TBC1D22A: variants seen among roughly 807,000 people sequenced by gnomAD.
TBC1D22A encodes the protein TBC1 domain family member 22A.
In TBC1D22A, 38 loss-of-function variants were observed where a neutral mutation model predicts 60.2. The ratio of observed to expected loss-of-function variants is 0.63; its 90% CI spans 0.49 to 0.83. The LOEUF is 0.83. TBC1D22A is among the 40% of genes least tolerant of loss of function. The pLI is 0.00. For missense variants in TBC1D22A, 628 were observed against 701.0 expected (o/e 0.90, Z 1.18); for synonymous variants, 302 against 281.7 (o/e 1.07, Z -0.72).
intron 8 of TBC1D22A, among the ~76,000 whole-genome samples, chr22:46,967,013 C>T (rs900022023): frequency 1.3e-5 from 2 of 152,014 alleles, no homozygotes; most frequent in Non-Finnish European, 2.9e-5. Flanking sequence ...ATGCTGAGGG[C>T]GTTGTCCTTG....
intron 4 of TBC1D22A, among the ~76,000 whole-genome samples, chr22:46,865,796 C>G (rs181142286): frequency 2.2e-4 from 33 of 152,286 alleles, no homozygotes; most frequent in Non-Finnish European, 3.5e-4. Context: ...ACTCTTTGTT[C>G]TGGGGCGTAA....
intron 7 of TBC1D22A, among the ~76,000 whole-genome samples, chr22:46,898,347 TAGG>T (rs2068793818): frequency 6.6e-6 from 1 of 152,182 alleles, no homozygotes; most frequent in Non-Finnish European, 1.5e-5. Flanking sequence ...CAATCATTTT[TAGG>T]AGGTTTATTT....
At chr22:46,778,841 C>T (rs2083814698) in intron 1 of TBC1D22A, among the ~76,000 whole-genome samples, 1 of 152,114 alleles carries the variant, frequency 6.6e-6, no homozygotes, top group Non-Finnish European at 1.5e-5. Flanking sequence ...GTCAGGAGTT[C>T]GAAAGCAGCC....
At chr22:47,068,430 G>A (rs1049762717) in intron 11 of TBC1D22A, among the ~76,000 whole-genome samples, 2 of 152,246 alleles carry the variant, frequency 1.3e-5, no homozygotes, top group Admixed American at 1.3e-4. Flanking sequence ...GATGTGAGAC[G>A]TCAGAAGATG....
chr22:47,121,188 C>T (rs1667330563), intron 12 of TBC1D22A, among the ~76,000 whole-genome samples: 1 of 152,208 alleles, frequency 6.6e-6, no homozygotes, highest in African/African-American at 2.4e-5. Flanking sequence ...AAAATGGAAG[C>T]AAATGCTCTC....
At chr22:46,778,244 T>G (rs2083785941) in intron 1 of TBC1D22A, among the ~76,000 whole-genome samples, 1 of 152,094 alleles carries the variant, frequency 6.6e-6, no homozygotes, top group African/African-American at 2.4e-5. Flanking sequence ...TAGGCTCTAC[T>G]AGATTCATAA....
intron 8 of TBC1D22A, among the ~76,000 whole-genome samples, chr22:46,972,479 G>C (rs2074106310): frequency 6.6e-6 from 1 of 152,228 alleles, no homozygotes; most frequent in South Asian, 2.1e-4. Context: ...GTGAGGCATT[G>C]ACACGGGCTG....
intron 11 of TBC1D22A, among the ~76,000 whole-genome samples, chr22:47,060,063 C>G (rs1036208343): frequency 2.0e-5 from 3 of 152,020 alleles, no homozygotes; most frequent in Non-Finnish European, 4.4e-5. Context: ...GGAGAAAAGG[C>G]CTCATTTGGA....
At chr22:46,963,009 C>T (rs1046200119) in intron 8 of TBC1D22A, among the ~76,000 whole-genome samples, 5 of 150,682 alleles carry the variant, frequency 3.3e-5, no homozygotes, top group African/African-American at 1.2e-4. Context: ...GTCAGGAGAT[C>T]GAGACCATTC....
At chr22:47,012,365 A>G (rs2061775939) in intron 10 of TBC1D22A, among the ~76,000 whole-genome samples, 1 of 152,122 alleles carries the variant, frequency 6.6e-6, no homozygotes, top group East Asian at 1.9e-4. Context: ...AGACTAGCCC[A>G]GCACTGGTGC....
intron 8 of TBC1D22A, among the ~76,000 whole-genome samples, chr22:46,940,535 AAT>A (rs537628079): frequency 7.0e-6 from 1 of 142,686 alleles, no homozygotes; most frequent in Non-Finnish European, 1.5e-5. Context: ...GGGGCACTAG[AAT>A]ATATATATAT....
chr22:46,853,680 A>G (rs2087410751), intron 4 of TBC1D22A, among the ~76,000 whole-genome samples: 1 of 152,252 alleles, frequency 6.6e-6, no homozygotes. Context: ...AGAGCGGAAC[A>G]GGAACGGAGA....
chr22:47,148,715 CCCTCCCCTGGGT>C (rs1259023794), intron 12 of TBC1D22A, among the ~76,000 whole-genome samples: 1 of 150,808 alleles, frequency 6.6e-6, no homozygotes, highest in African/African-American at 2.4e-5. Context: ...TGGGGTCCCT[CCCTCCCCTGGGT>C]CCTCTCCTGG....
chr22:46,794,151 C>T (rs564216866), intron 3 of TBC1D22A, among the ~76,000 whole-genome samples: 6 of 152,298 alleles, frequency 3.9e-5, no homozygotes, highest in African/African-American at 9.6e-5. Context: ...GTGGGCTGGC[C>T]GTGAGAGGGC....
intron 8 of TBC1D22A, among the ~76,000 whole-genome samples, chr22:46,960,320 G>A (rs544333151): frequency 2.4e-4 from 37 of 151,842 alleles, no homozygotes; most frequent in Admixed American, 2.0e-3. Flanking sequence ...GGACTGCAGC[G>A]GCACGATATG....
intron 12 of TBC1D22A, among the ~76,000 whole-genome samples, chr22:47,158,362 G>T (rs1412249083): frequency 6.6e-6 from 1 of 152,212 alleles, no homozygotes; most frequent in South Asian, 2.1e-4. Context: ...ACTGTCATTC[G>T]TCTTGGATGA....
At chr22:46,845,951 C>T (rs1036672485) in intron 4 of TBC1D22A, among the ~76,000 whole-genome samples, 6 of 152,266 alleles carry the variant, frequency 3.9e-5, no homozygotes, top group Non-Finnish European at 7.4e-5. Context: ...CAGGAGCAGC[C>T]GGGGAGCTGG....
intron 12 of TBC1D22A, among the ~76,000 whole-genome samples, chr22:47,150,505 TCTGGGTGGCCGGGCTTG>T (rs2067461296): frequency 6.6e-6 from 1 of 152,166 alleles, no homozygotes. Flanking sequence ...CCTGAGGCGG[TCTGGGTGGCCGGGCTTG>T]CTGGGTGGCA....
At chr22:46,807,543 G>A (rs1425590540) in intron 4 of TBC1D22A, among the ~76,000 whole-genome samples, 1 of 152,204 alleles carries the variant, frequency 6.6e-6, no homozygotes, top group African/African-American at 2.4e-5. Context: ...ACTTGGCACT[G>A]TACCTCTGCA....
Sources: allele counts gnomAD v4.1 joint callset (sites outside exome capture counted in the v4.1 genomes callset), GRCh38; gene constraint gnomAD v4.1.1; transcripts MANE v1.5; gene names NCBI Gene and HGNC (gene_info 2026-07-23, HGNC 2026-07-21).